The following PDZD2 variants were observed in gnomAD, a reference collection of about 807,000 sequenced individuals.
PDZD2 encodes the protein PDZ domain-containing protein 2.
PDZD2 carries 90 observed loss-of-function variants against 220.7 expected under a neutral mutation model. That is an observed-to-expected ratio of 0.41 (90% CI 0.34 to 0.49). PDZD2 has a LOEUF of 0.49. Among genes scored for constraint, PDZD2 ranks in the 20% least tolerant of loss-of-function variants. The probability of loss-of-function intolerance (pLI) is 0.28; values close to 1 mark genes in which losing one functional copy is unlikely to be tolerated. For missense variants in PDZD2, 3,174 were observed against 3,608.5 expected (o/e 0.88, Z 3.08); for synonymous variants, 1,375 against 1,450.5 (o/e 0.95, Z 1.18).
chr5:31,796,950 C>T (rs1321524897), intron 1 of PDZD2, among the ~76,000 whole-genome samples: 1 of 148,910 alleles, frequency 6.7e-6, no homozygotes, highest in Non-Finnish European at 1.5e-5. Context: ...TTTTTTGAGA[C>T]GGAGTCTGGC....
chr5:32,080,369 A>AG, intron 19 of PDZD2, among the ~76,000 whole-genome samples: 2 of 144,456 alleles, frequency 1.4e-5, no homozygotes, highest in African/African-American at 5.3e-5. Context: ...AAAAAAAAAA[A>AG]AGTGGGGGGT....
At chr5:31,737,483 C>G (rs140554612) in intron 1 of PDZD2, among the ~76,000 whole-genome samples, 2,090 of 152,154 alleles carry the variant, frequency 0.014, 47 homozygotes, top group South Asian at 0.051. Context: ...GAGCAGTCTA[C>G]TTCTTATAGG....
At chr5:31,777,450 C>T (rs1752750234) in intron 1 of PDZD2, among the ~76,000 whole-genome samples, 1 of 152,238 alleles carries the variant, frequency 6.6e-6, no homozygotes, top group East Asian at 1.9e-4. Flanking sequence ...GGCGCCGCCC[C>T]CTGCTCCGTG....
intron 14 of PDZD2, among the ~76,000 whole-genome samples, chr5:32,068,899 A>C (rs765694791): frequency 6.6e-6 from 1 of 152,126 alleles, no homozygotes; most frequent in Non-Finnish European, 1.5e-5. Flanking sequence ...AAAATGTTAA[A>C]AATTAGTGAT....
intron 2 of PDZD2, among the ~76,000 whole-genome samples, chr5:31,940,355 A>C (rs890813085): frequency 5.9e-5 from 9 of 152,178 alleles, no homozygotes; most frequent in African/African-American, 2.2e-4. Flanking sequence ...GGATAGCCAC[A>C]CTGTGACTCC....
intron 2 of PDZD2, among the ~76,000 whole-genome samples, chr5:31,935,632 G>T (rs955278495): frequency 2.6e-5 from 4 of 151,974 alleles, no homozygotes; most frequent in African/African-American, 9.7e-5. Context: ...TTTGCATTTG[G>T]ATGCAATTTA....
chr5:31,879,110 G>A (rs1739613064), intron 2 of PDZD2, among the ~76,000 whole-genome samples: 1 of 151,724 alleles, frequency 6.6e-6, no homozygotes, highest in African/African-American at 2.4e-5. Context: ...TTCTCGGGCC[G>A]GGCACGGTGG....
chr5:31,815,319 A>G (rs1205730523), intron 2 of PDZD2, among the ~76,000 whole-genome samples: 2 of 149,720 alleles, frequency 1.3e-5, no homozygotes, highest in African/African-American at 4.9e-5. Flanking sequence ...CTAGACTCTT[A>G]GTTAAATCTC....
At chr5:31,775,664 CGT>C (rs370394146) in intron 1 of PDZD2, among the ~76,000 whole-genome samples, 5,378 of 135,176 alleles carry the variant, frequency 0.04, 161 homozygotes, top group African/African-American at 0.091. Context: ...ACTCACAGAG[CGT>C]GTGTGTGTGT....
intron 2 of PDZD2, among the ~76,000 whole-genome samples, chr5:31,815,749 G>A (rs1330881731): frequency 6.6e-6 from 1 of 151,934 alleles, no homozygotes; most frequent in Admixed American, 6.6e-5. Flanking sequence ...TTTTATTTTC[G>A]GTTTACATAT....
rs548144493 is a variant in PDZD2 at position 31,640,031 on chromosome 5, G to GCT, written c.-361+603_-361+604dup. ...GGGAACATAGTGATAGGGAAATCCTGCTCTCTCTCTGAAGTCGAGTTTCTC... is the reference window on the plus strand; with the variant it reads ...GGGAACATAGTGATAGGGAAATCCTGCTCTCTCTCTCTGAAGTCGAGTTTCTC... On this transcript the variant is annotated intron_variant, in intron 1 of 24. Coordinates refer to ENST00000438447, the MANE Select transcript of PDZD2 (RefSeq NM_178140.4). Among the ~76,000 whole-genome samples, 13 of 148,196 alleles carry GCT rather than the reference G, an allele frequency of 8.8e-5. No homozygotes were observed. In the East Asian group the frequency reaches 2.0e-3, roughly 23 times the overall value.
At chr5:31,891,977 C>T (rs1741089175) in intron 2 of PDZD2, among the ~76,000 whole-genome samples, 1 of 152,126 alleles carries the variant, frequency 6.6e-6, no homozygotes, top group South Asian at 2.1e-4. Context: ...GTAGTGCGAT[C>T]ATAGCTCACT....
chr5:31,988,849 T>C (rs1750941409), intron 3 of PDZD2, among the ~76,000 whole-genome samples: 1 of 152,106 alleles, frequency 6.6e-6, no homozygotes, highest in African/African-American at 2.4e-5. Flanking sequence ...CTTCTACCTT[T>C]CCTAGGGGAC....
intron 6 of PDZD2, among the ~76,000 whole-genome samples, chr5:32,025,591 CTTTTTTTTTTTT>C (rs70957998): frequency 3.4e-4 from 23 of 67,516 alleles, no homozygotes; most frequent in African/African-American, 7.9e-4. Flanking sequence ...AACCATGATG[CTTTTTTTTTTTT>C]TTTTTTTTTT....
chr5:31,932,604 A>T (rs1745394145), intron 2 of PDZD2, among the ~76,000 whole-genome samples: 1 of 152,184 alleles, frequency 6.6e-6, no homozygotes, highest in Non-Finnish European at 1.5e-5. Flanking sequence ...CATTGACTTC[A>T]CACACTTAAT....
intron 1 of PDZD2, among the ~76,000 whole-genome samples, chr5:31,761,429 T>G (rs1480202753): frequency 7.9e-6 from 1 of 126,670 alleles, no homozygotes; most frequent in East Asian, 2.6e-4. Context: ...AAGGAGAAAG[T>G]TAAAAGTAAA....
intron 2 of PDZD2, among the ~76,000 whole-genome samples, chr5:31,814,617 G>T (rs142108134): frequency 0.018 from 2,735 of 152,206 alleles, 43 homozygotes; most frequent in Non-Finnish European, 0.027. Context: ...GAGGTCAGGA[G>T]TTCGAGACCA....
rs1390905731 is a variant in PDZD2 at position 31,689,090 on chromosome 5, T to TA, written c.-361+49654dup. ...GTTTTTTGGGGGGTTTTTATTTAGA[T>TA]AGAGTTTCGCTCTTGTCACTCAGGC... On this transcript the variant is annotated intron_variant, in intron 1 of 24. Coordinates refer to ENST00000438447, the MANE Select transcript of PDZD2 (RefSeq NM_178140.4). 4.6e-5 allele frequency among the ~76,000 whole-genome samples: 7 copies of TA among 151,868 alleles called. No homozygotes were observed. The South Asian group carries it at 1.2e-3, about 27-fold the overall frequency.
At chr5:31,692,103 A>G (rs1310286160) in intron 1 of PDZD2, among the ~76,000 whole-genome samples, 2 of 152,202 alleles carry the variant, frequency 1.3e-5, no homozygotes, top group East Asian at 1.9e-4. Context: ...ACAGGAGCCC[A>G]CGGAGTGGAG....
Sources: allele counts gnomAD v4.1 joint callset (sites outside exome capture counted in the v4.1 genomes callset), GRCh38; gene constraint gnomAD v4.1.1; transcripts MANE v1.5; gene names NCBI Gene and HGNC (gene_info 2026-07-23, HGNC 2026-07-21).